CDC14A: variants seen among roughly 807,000 people sequenced by gnomAD.
CDC14A encodes dual specificity protein phosphatase CDC14A.
Under a neutral mutation model 74.4 loss-of-function variants are expected in CDC14A, and 53 were observed. That is an observed-to-expected ratio of 0.71 (90% CI 0.57 to 0.89). The LOEUF is 0.89. CDC14A is among the 40% of genes least tolerant of loss of function. CDC14A has a pLI of 0.00. For synonymous variants in CDC14A, 247 were observed against 258.4 expected, an observed-to-expected ratio of 0.96 and a Z score of 0.43; for missense variants, 646 against 713.7, an observed-to-expected ratio of 0.91 and a Z score of 1.08.
At chr1:100,502,234 C>A (rs1648811503) in intron 15 of CDC14A, among the ~76,000 whole-genome samples, 1 of 152,190 alleles carries the variant, frequency 6.6e-6, no homozygotes. Context: ...ACCACTCACC[C>A]ACTGACTCAC....
At chr1:100,509,713 T>C (rs1273246550) in intron 15 of CDC14A, among the ~76,000 whole-genome samples, 1 of 152,236 alleles carries the variant, frequency 6.6e-6, no homozygotes, top group Non-Finnish European at 1.5e-5. Flanking sequence ...AACAGAAACC[T>C]TTGGTAAATG....
intron 2 of CDC14A, among the ~76,000 whole-genome samples, chr1:100,361,196 A>C (rs1229721397): frequency 2.6e-5 from 4 of 152,224 alleles, no homozygotes; most frequent in African/African-American, 9.6e-5. Flanking sequence ...GGAAGTGAAA[A>C]GCATAACTTA....
chr1:100,484,564 G>C, intron 11 of CDC14A, 113 bp downstream of exon 11: 1 of 1,328,622 alleles, frequency 7.5e-7, no homozygotes, highest in Admixed American at 3.1e-5. Context: ...CGAGTACCAA[G>C]TTTTTAGAAG....
At position 100,462,893 on chromosome 1, in the gene CDC14A, G is replaced by C. The variant is rs1422846024; in HGVS notation, c.838+12G>C. On this transcript the variant is annotated intron_variant, in intron 9 of 15. Transcript: ENST00000336454. The stretch of plus-strand genomic sequence containing the variant: ...CGTTCACTGCAAAGGTGTGTGCAAG[G>C]CCTCGGTGGTGGTGGCTGTGCTTAT... The C allele has an allele frequency of 3.1e-6, 5 of 1,602,740 alleles. No homozygotes were observed. The highest frequency in any genetic ancestry group is 4.3e-6 in the Non-Finnish European group (5 of 1,169,872).
intron 2 of CDC14A, among the ~76,000 whole-genome samples, chr1:100,367,502 A>ATTT (rs1570968975): frequency 1.3e-5 from 2 of 152,326 alleles, no homozygotes; most frequent in East Asian, 3.9e-4. Flanking sequence ...CTTGACATTT[A>ATTT]AAAATATATT....
At chr1:100,447,520 A>C (rs1422688652) in intron 7 of CDC14A, among the ~76,000 whole-genome samples, 5 of 152,236 alleles carry the variant, frequency 3.3e-5, no homozygotes, top group Non-Finnish European at 5.9e-5. Flanking sequence ...GTACTTCTCC[A>C]ACAGCTTCTT....
At chr1:100,483,831 C>T (rs186028439) in intron 10 of CDC14A, among the ~76,000 whole-genome samples, 1 of 152,092 alleles carries the variant, frequency 6.6e-6, no homozygotes, top group African/African-American at 2.4e-5. Context: ...ATGGTACCAC[C>T]CAAAAGTAGG....
intron 4 of CDC14A, among the ~76,000 whole-genome samples, chr1:100,403,689 T>C (rs557451857): frequency 6.6e-6 from 1 of 152,362 alleles, no homozygotes; most frequent in East Asian, 1.9e-4. Context: ...TTCATTTGAA[T>C]CACTGTGTTA....
intron 2 of CDC14A, among the ~76,000 whole-genome samples, chr1:100,359,981 T>G (rs1652477036): frequency 6.7e-6 from 1 of 150,106 alleles, no homozygotes; most frequent in Non-Finnish European, 1.5e-5. Context: ...TTTCCTTCTG[T>G]TGCCAGGCTG....
At chr1:100,425,452 G>A (rs1180148406) in intron 5 of CDC14A, among the ~76,000 whole-genome samples, 4 of 152,138 alleles carry the variant, frequency 2.6e-5, no homozygotes, top group African/African-American at 4.8e-5. Flanking sequence ...ATACTTAAAA[G>A]CACTTTTAGT....
chr1:100,378,512 TA>T (rs1313521089), intron 3 of CDC14A, among the ~76,000 whole-genome samples: 3 of 152,186 alleles, frequency 2.0e-5, no homozygotes, highest in Non-Finnish European at 4.4e-5. Context: ...GTTCTGTGAT[TA>T]TTTTTTGATT....
intron 5 of CDC14A, among the ~76,000 whole-genome samples, chr1:100,439,719 G>T (rs558221839): frequency 1.7e-4 from 26 of 152,256 alleles, no homozygotes; most frequent in African/African-American, 5.8e-4. Flanking sequence ...AGGAACGCAG[G>T]CTCTTAAATC....
chr1:100,474,506 G>T (rs1355970035), intron 10 of CDC14A, among the ~76,000 whole-genome samples: 1 of 151,718 alleles, frequency 6.6e-6, no homozygotes, highest in Non-Finnish European at 1.5e-5. Context: ...TAGATATAAG[G>T]CTATTTGAAT....
At chr1:100,416,772 A>C (rs966038136) in intron 4 of CDC14A, among the ~76,000 whole-genome samples, 1 of 152,204 alleles carries the variant, frequency 6.6e-6, no homozygotes, top group Non-Finnish European at 1.5e-5. Flanking sequence ...AGCACTTTAC[A>C]TACATTATTA....
At chr1:100,485,217 C>T in intron 11 of CDC14A, 1 of 985,274 alleles carries the variant, frequency 1.0e-6, no homozygotes, top group Middle Eastern at 5.2e-4. Flanking sequence ...AACTGGGGTC[C>T]CAGAAAATTT....
In CDC14A at chr1:100,353,836, G is replaced by A; in HGVS notation, c.124G>A (p.Glu42Lys). 6.2e-7 allele frequency: 1 copy of A among 1,604,170 alleles called. No homozygotes were observed. Among genetic ancestry groups the A allele is most frequent in the Non-Finnish European group, 8.5e-7 (1 of 1,172,938 alleles). The change falls in exon 2 of 16, where the codon GAG becomes AAG. Residue 42 changes from glutamate (E) to lysine (K), a missense_variant. Coordinates refer to ENST00000336454, the MANE Select transcript of CDC14A (RefSeq NM_003672.4). ...TACCCACTATTTCTCCATCGATGAG[G>A]AGCTGGTCTATGAAAAGTAAGTTTA... Reference protein sequence around the residue: ...VNTHYFSIDEELVYENFYADF... With the variant: ...VNTHYFSIDEKLVYENFYADF...
intron 13 of CDC14A, among the ~76,000 whole-genome samples, chr1:100,496,521 C>T (rs190601239): frequency 6.6e-6 from 1 of 152,122 alleles, no homozygotes. Context: ...GGAAAAATGT[C>T]CCCTGAAACC....
chr1:100,399,974 T>G (rs1659051296), intron 4 of CDC14A, among the ~76,000 whole-genome samples: 1 of 152,244 alleles, frequency 6.6e-6, no homozygotes, highest in Non-Finnish European at 1.5e-5. Flanking sequence ...TCCATAGACC[T>G]TTCCTGCTGT....
intron 5 of CDC14A, among the ~76,000 whole-genome samples, chr1:100,433,267 C>T (rs17122485): frequency 0.02 from 3,013 of 152,194 alleles, 109 homozygotes; most frequent in African/African-American, 0.069. Flanking sequence ...TTTATTCATT[C>T]CTGTATTAAT....
Sources: allele counts gnomAD v4.1 joint callset (sites outside exome capture counted in the v4.1 genomes callset), GRCh38; gene constraint gnomAD v4.1.1; transcripts MANE v1.5; gene names NCBI Gene and HGNC (gene_info 2026-07-23, HGNC 2026-07-21).